The following MITF variants were observed in gnomAD, a reference collection of about 807,000 sequenced individuals.
MITF encodes the protein microphthalmia-associated transcription factor.
In MITF, 17 loss-of-function variants were observed where a neutral mutation model predicts 60.5. The observed-to-expected ratio is 0.28, with a 90% CI of 0.19 to 0.42. MITF has a LOEUF of 0.42. Ranked by LOEUF, MITF falls within the 10% of genes least tolerant of loss-of-function variation. The pLI is 1.00. For missense variants in MITF, 622 were observed against 683.5 expected (o/e 0.91, Z 1.00); for synonymous variants, 260 against 248.5 (o/e 1.05, Z -0.43).
chr3:69,842,172 A>T (rs1162411592), intron 1 of MITF, among the ~76,000 whole-genome samples: 2 of 152,198 alleles, frequency 1.3e-5, no homozygotes, highest in Non-Finnish European at 2.9e-5. Flanking sequence ...ATCCAAGTAT[A>T]GTCAGTTCTG....
intron 1 of MITF, among the ~76,000 whole-genome samples, chr3:69,745,558 T>C (rs1213173124): frequency 6.6e-6 from 1 of 152,212 alleles, no homozygotes; most frequent in African/African-American, 2.4e-5. Context: ...CTAAGTAAAA[T>C]GTTAGACATC....
chr3:69,807,025 G>T (rs1359820724), intron 1 of MITF, among the ~76,000 whole-genome samples: 1 of 152,156 alleles, frequency 6.6e-6, no homozygotes, highest in Non-Finnish European at 1.5e-5. Flanking sequence ...TATCTTGGCT[G>T]CGTAGATTGT....
Position 69,944,154 on chromosome 3 carries a change from A to G in MITF, c.762+2823A>G, listed in dbSNP as rs147240236. ...ATCCTCATACCTCTTCATTCCATCT[A>G]CATTAGCGTTGAGGCCTTGTTCCTT... On this transcript the variant is annotated intron_variant, in intron 5 of 9. Coordinates refer to ENST00000352241, the MANE Select transcript of MITF (RefSeq NM_001354604.2). 2.2e-3 allele frequency among the ~76,000 whole-genome samples: 332 copies of G among 152,274 alleles called. 2 individuals are homozygous for G. The highest frequency in any genetic ancestry group is 7.5e-3 in the African/African-American group (311 of 41,556).
At chr3:69,910,056 TC>T (rs1251660273) in intron 2 of MITF, among the ~76,000 whole-genome samples, 1 of 152,130 alleles carries the variant, frequency 6.6e-6, no homozygotes, top group Non-Finnish European at 1.5e-5. Context: ...AAAAAGTGGT[TC>T]CAAGTGCCAT....
At chr3:69,787,366 G>A (rs1275736934) in intron 1 of MITF, among the ~76,000 whole-genome samples, 1 of 152,172 alleles carries the variant, frequency 6.6e-6, no homozygotes, top group Non-Finnish European at 1.5e-5. Context: ...CAATTGACCT[G>A]ATAGTTTTCT....
At chr3:69,744,397 AGCCTTGTT>A (rs1703644367) in intron 1 of MITF, among the ~76,000 whole-genome samples, 2 of 151,942 alleles carry the variant, frequency 1.3e-5, no homozygotes, top group African/African-American at 4.8e-5. Context: ...AGAGATGAAG[AGCCTTGTT>A]CTGCCATCGA....
At chr3:69,842,025 G>A (rs528458226) in intron 1 of MITF, among the ~76,000 whole-genome samples, 34 of 152,238 alleles carry the variant, frequency 2.2e-4, no homozygotes, top group Middle Eastern at 3.4e-3. Context: ...TAAATCTCCC[G>A]TTGATGAATT....
chr3:69,841,944 A>G (rs1236163606), intron 1 of MITF, among the ~76,000 whole-genome samples: 2 of 152,202 alleles, frequency 1.3e-5, no homozygotes, highest in Non-Finnish European at 2.9e-5. Flanking sequence ...TTAGTTTACC[A>G]CAGTGGGCAA....
rs777833130 is a variant in MITF, at chr3:69,739,642, G to A, written c.45G>A (p.Glu15=). 1.8e-5 allele frequency: 29 copies of A among 1,584,466 alleles called. No individual in the cohort carries two copies. The East Asian group carries it at 6.1e-4, about 33-fold the overall frequency. ...SGIVPDFEVG[E]EFHEEPKTYY... is the part of the protein sequence containing the mutation. ...TCGTGCCGGATTTCGAAGTCGGGGA[G>A]GAGTTTCATGAAGAGCCCAAAACCT... Residue 15 remains glutamate (E), a synonymous_variant, in exon 1 of 10, where the codon GAG becomes GAA. Coordinates refer to ENST00000352241, the MANE Select transcript of MITF (RefSeq NM_001354604.2).
rs940361168 is a variant in MITF at position 69,967,663 on chromosome 3, G to T, written c.*2415G>T. The T allele has an allele frequency of 1.5e-4, 36 of 233,202 alleles. No individual in the cohort carries two copies. The highest frequency in any genetic ancestry group is 7.5e-4 in the African/African-American group (34 of 45,458). 14.4% of individuals were successfully genotyped at this position (233,202 alleles called of 1,614,324 possible). ...TTCTCCTTAAGAGACAATTTCTGCA[G>T]GTGGCAGGTGAGCAAGCCCAGGAGA... On this transcript the variant is annotated 3_prime_UTR_variant, in exon 10 of 10. Coordinates refer to ENST00000352241, the MANE Select transcript of MITF (RefSeq NM_001354604.2).
At chr3:69,800,946 A>G (rs1273753160) in intron 1 of MITF, among the ~76,000 whole-genome samples, 3 of 152,192 alleles carry the variant, frequency 2.0e-5, no homozygotes, top group Non-Finnish European at 4.4e-5. Context: ...CCTCAAGTAA[A>G]TATTCTTATG....
At chr3:69,798,407 A>G (rs567376499) in intron 1 of MITF, among the ~76,000 whole-genome samples, 1 of 152,310 alleles carries the variant, frequency 6.6e-6, no homozygotes, top group African/African-American at 2.4e-5. Context: ...TGGGGTTCAT[A>G]CTATTTATCA....
At chr3:69,840,778 G>A (rs1237714479) in intron 1 of MITF, among the ~76,000 whole-genome samples, 2 of 144,142 alleles carry the variant, frequency 1.4e-5, no homozygotes, top group African/African-American at 5.2e-5. Flanking sequence ...TTTTGAAACA[G>A]AATCTCACTC....
chr3:69,864,899 C>T (rs1407939203), intron 1 of MITF, among the ~76,000 whole-genome samples: 5 of 152,150 alleles, frequency 3.3e-5, no homozygotes, highest in African/African-American at 9.7e-5. Flanking sequence ...GACCAGAAGT[C>T]CCTGCCTAAG....
At chr3:69,826,042 C>T (rs2063349133) in intron 1 of MITF, among the ~76,000 whole-genome samples, 1 of 152,054 alleles carries the variant, frequency 6.6e-6, no homozygotes, top group Admixed American at 6.6e-5. Flanking sequence ...TAAAATTTTA[C>T]ACTACATATA....
intron 1 of MITF, among the ~76,000 whole-genome samples, chr3:69,845,953 A>G (rs1241896251): frequency 6.6e-6 from 1 of 152,198 alleles, no homozygotes; most frequent in Non-Finnish European, 1.5e-5. Flanking sequence ...TTTATTGAGC[A>G]CCTACTTTGT....
At chr3:69,746,017 T>C (rs908699679) in intron 1 of MITF, among the ~76,000 whole-genome samples, 2 of 152,236 alleles carry the variant, frequency 1.3e-5, no homozygotes, top group Non-Finnish European at 1.5e-5. Context: ...TATAGAATCA[T>C]GCATCCAAAA....
chr3:69,839,380 CTTT>C (rs5849927), intron 1 of MITF, among the ~76,000 whole-genome samples: 2 of 139,216 alleles, frequency 1.4e-5, no homozygotes, highest in Non-Finnish European at 3.1e-5. Context: ...ATGTGATTTT[CTTT>C]TTTTTTTTTT....
chr3:69,873,615 T>G (rs552013286), intron 1 of MITF, among the ~76,000 whole-genome samples: 1 of 152,298 alleles, frequency 6.6e-6, no homozygotes, highest in East Asian at 1.9e-4. Flanking sequence ...TTTCTCCTTG[T>G]GTCCCATCCA....
Sources: gnomAD v4.1 joint callset for allele counts (sites outside exome capture counted in the v4.1 genomes callset) on GRCh38, gnomAD v4.1.1 for gene constraint, MANE v1.5 for transcripts, NCBI Gene and HGNC (gene_info 2026-07-23, HGNC 2026-07-21) for gene names.